UBA1: variants seen among roughly 807,000 people sequenced by gnomAD.
The protein encoded by UBA1 is ubiquitin-like modifier-activating enzyme 1.
UBA1 carries 4 observed loss-of-function variants against 84.7 expected under a neutral mutation model. The observed-to-expected ratio is 0.05, with a 90% CI of 0.02 to 0.11. UBA1 has a LOEUF of 0.11. UBA1 is among the 10% of genes least tolerant of loss of function. UBA1 has a pLI of 1.00. For missense variants in UBA1, 513 were observed against 902.8 expected, an observed-to-expected ratio of 0.57 and a Z score of 5.53; for synonymous variants, 364 against 362.6, an observed-to-expected ratio of 1.00 and a Z score of -0.04.
chrX:47,198,414 A>G (rs954440448), intron 1 of UBA1: 3 of 628,306 alleles, frequency 4.8e-6, no homozygotes, highest in East Asian at 8.1e-5. Context: ...GTGGCGGTTA[A>G]TTATTACTGT....
At position 47,202,203 on chromosome X, in the gene UBA1, A is replaced by T. The variant is rs1556788364; in HGVS notation, c.859A>T (p.Ile287Phe). 8.3e-7 allele frequency: 1 copy of T among 1,210,783 alleles called. No homozygotes were observed. The highest frequency in any genetic ancestry group is 1.7e-5 in the African/African-American group (1 of 57,743). ...TGACACCTCCAACTTCTCCGACTAC[A>T]TCCGTGGAGGCATCGTCAGTCAGGT... ...ICDTSNFSDY[I>F]RGGIVSQVKV... Residue 287 changes from isoleucine to phenylalanine, a missense_variant, in exon 9 of 26, where the codon ATC (isoleucine) becomes TTC (phenylalanine). Physicochemically the swap from Ile to Phe is conservative, Grantham distance 21. Around this residue, in one of 6 missense-constraint regions of UBA1, gnomAD observed 227 missense variants for 339.1 expected, o/e 0.67. Transcript: ENST00000335972.
At position 47,196,373 on chromosome X, in the gene UBA1, C is replaced by T. The variant is rs1431240747; in HGVS notation, c.-1+2349C>T. On this transcript the variant is annotated intron_variant, in intron 1 of 25. Coordinates refer to ENST00000335972, the MANE Select transcript of UBA1 (RefSeq NM_003334.4). Reference sequence around the variant, plus strand: ...TGCCCTAGCTTCTCCATCCTGCTAACCTGCCTCCTCTCACACCTCCAAGAC... The same window carrying T: ...TGCCCTAGCTTCTCCATCCTGCTAATCTGCCTCCTCTCACACCTCCAAGAC... 1.6e-4 allele frequency among the ~76,000 whole-genome samples: 18 copies of T among 111,255 alleles called. No individual in the cohort carries two copies. The Admixed American group carries it at 1.7e-3, about 11-fold the overall frequency.
rs1455440130 is a variant in UBA1, at chrX:47,197,842, T to G, written c.1-961T>G. 4 of 558,292 alleles carry G rather than the reference T, an allele frequency of 7.2e-6. No individual in the cohort carries two copies. The African/African-American group carries it at 1.0e-4, about 14-fold the overall frequency. 46.0% of individuals were successfully genotyped at this position (558,292 alleles called of 1,213,427 possible). A position where few individuals can be genotyped will look rare whatever the true frequency, so the allele number is the denominator to read the frequency against. On this transcript the variant is annotated intron_variant, in intron 1 of 25. Coordinates refer to ENST00000335972, the MANE Select transcript of UBA1 (RefSeq NM_003334.4). ...TGGTCACCGAACGTCCCTGAGTGAA[T>G]TTTTTTCCATCACTTTAAAGTTGGG...
At chrX:47,210,536 G>A (rs1556793038) in intron 18 of UBA1, among the ~76,000 whole-genome samples, 1 of 111,875 alleles carries the variant, frequency 8.9e-6, no homozygotes, top group African/African-American at 3.3e-5. Context: ...GTTTGGGGAG[G>A]ATTAACTGGT....
At chrX:47,205,545 A>G (rs1556790488) in intron 14 of UBA1, 2 of 348,126 alleles carry the variant, frequency 5.7e-6, no homozygotes, top group African/African-American at 2.6e-5. Context: ...CATTAAGTAA[A>G]TCAGTCTCAG....
At chrX:47,198,479 TC>T in intron 1 of UBA1, 1 of 355,553 alleles carries the variant, frequency 2.8e-6, no homozygotes. Flanking sequence ...TCCACATCCT[TC>T]CCCTGACCTC....
chrX:47,215,084 A>G lies in UBA1; in HGVS notation c.*155A>G. On this transcript the variant is annotated 3_prime_UTR_variant, in exon 26 of 26. Coordinates refer to ENST00000335972, the MANE Select transcript of UBA1 (RefSeq NM_003334.4). ...TGAACCCCTCTTGCCACTGCCTTCTACCTTGTTTGAAACCTGAATCCTAAT... is the reference window on the plus strand; with the variant it reads ...TGAACCCCTCTTGCCACTGCCTTCTGCCTTGTTTGAAACCTGAATCCTAAT... The G allele has an allele frequency of 1.3e-6, 1 of 756,588 alleles. No individual in the cohort carries two copies. The highest frequency in any genetic ancestry group is 2.0e-6 in the Non-Finnish European group (1 of 509,941). 62.4% of individuals were successfully genotyped at this position (756,588 alleles called of 1,213,427 possible).
intron 1 of UBA1, among the ~76,000 whole-genome samples, chrX:47,196,343 C>T (rs1192705242): frequency 9.0e-6 from 1 of 111,171 alleles, no homozygotes; most frequent in Non-Finnish European, 1.9e-5. Flanking sequence ...AGCCCCCCTT[C>T]TCTATGCCCT....
intron 8 of UBA1, among the ~76,000 whole-genome samples, chrX:47,201,861 C>G (rs1457248950): frequency 1.8e-5 from 2 of 111,617 alleles, no homozygotes; most frequent in Non-Finnish European, 3.8e-5. Flanking sequence ...GAAAAAGTCT[C>G]TGGTGTTTGA....
At chrX:47,200,290 A>G (rs1452925340) in intron 5 of UBA1, among the ~76,000 whole-genome samples, 2 of 111,884 alleles carry the variant, frequency 1.8e-5, no homozygotes. Flanking sequence ...ACTTTTTGTG[A>G]GGGTTAAACA....
chrX:47,206,390 C>T lies in UBA1; in HGVS notation c.1884C>T (p.Ser628=). 1 of 1,212,224 alleles carries T rather than the reference C, an allele frequency of 8.2e-7. No homozygotes were observed. Among genetic ancestry groups the T allele is most frequent in the Non-Finnish European group, 1.1e-6 (1 of 895,572 alleles). Residue 628 remains serine (S), a synonymous_variant, in exon 16 of 26, where the codon TCC becomes TCT. Coordinates refer to ENST00000335972, the MANE Select transcript of UBA1 (RefSeq NM_003334.4). ...CCAGCCAGGACCCACCTGAGAAGTC[C>T]ATCCCCATCTGTACCCTGAAGAACT... ...YSSSQDPPEK[S]IPICTLKNFP... is the part of the protein sequence containing the mutation.
intron 1 of UBA1, among the ~76,000 whole-genome samples, chrX:47,194,477 C>T (rs1556784865): frequency 3.6e-5 from 4 of 112,362 alleles, no homozygotes; most frequent in Non-Finnish European, 1.9e-5. Context: ...GCTTCCAGGA[C>T]GGGCTAGATC....
At chrX:47,209,865 T>C (rs1936850391) in intron 17 of UBA1, 63 bp from the exon 18 acceptor site, 1 of 1,166,303 alleles carries the variant, frequency 8.6e-7, no homozygotes, top group African/African-American at 1.8e-5. Flanking sequence ...GTAAGATTGC[T>C]CTGGAGCCCA....
intron 20 of UBA1, among the ~76,000 whole-genome samples, chrX:47,211,552 T>G (rs1936916792): frequency 9.0e-6 from 1 of 111,024 alleles, no homozygotes; most frequent in Admixed American, 9.6e-5. Context: ...CAGCAGTCTC[T>G]CTCCCTTGAT....
upstream of UBA1, chrX:47,190,896 C>T (rs1359260275): frequency 2.7e-5 from 3 of 112,920 alleles, no homozygotes; most frequent in Admixed American, 9.3e-5. Flanking sequence ...TTCCGTTGCC[C>T]CGTGGCTTCA....
intron 21 of UBA1, 68 bp downstream of exon 21, chrX:47,212,580 G>A: frequency 9.7e-7 from 1 of 1,033,403 alleles, no homozygotes; most frequent in East Asian, 3.1e-5. Context: ...GAAAACAGGA[G>A]TATCTGGAGC....
At chrX:47,201,056 C>T (rs1936399498) in intron 6 of UBA1, 56 bp downstream of exon 6, 2 of 1,060,051 alleles carry the variant, frequency 1.9e-6, no homozygotes, top group South Asian at 2.0e-5. Flanking sequence ...CCTACCAAGC[C>T]CAGGCCAAGA....
intron 1 of UBA1, chrX:47,197,548 A>G: frequency 5.3e-6 from 4 of 753,648 alleles, no homozygotes; most frequent in Non-Finnish European, 6.3e-6. Context: ...GGGTGAGGGG[A>G]AGTGACGCTG....
intron 18 of UBA1, 83 bp from the exon 19 acceptor site, chrX:47,210,759 T>G: frequency 9.7e-7 from 1 of 1,027,173 alleles, no homozygotes. Context: ...TGGGGGCACA[T>G]CTGGGGCCTA....
Sources: allele counts gnomAD v4.1 joint callset (sites outside exome capture counted in the v4.1 genomes callset), GRCh38; gene constraint gnomAD v4.1.1; regional missense constraint gnomAD v4.1.1; transcripts MANE v1.5; gene names NCBI Gene and HGNC (gene_info 2026-07-23, HGNC 2026-07-21).